Variants in CMSS1 observed in about 807,000 individuals in gnomAD.
CMSS1 encodes protein CMSS1.
Under a neutral mutation model 43.5 loss-of-function variants are expected in CMSS1, and 33 were observed. The ratio of observed to expected loss-of-function variants is 0.76; its 90% CI spans 0.57 to 1.01. The LOEUF is 1.01. CMSS1 is among the 50% of genes least tolerant of loss of function. The pLI, the probability that CMSS1 is intolerant of heterozygous loss-of-function variation, is 0.00. For missense variants in CMSS1, 313 were observed against 326.4 expected (o/e 0.96, Z 0.32); for synonymous variants, 115 against 117.2 (o/e 0.98, Z 0.12).
intron 1 of CMSS1, among the ~76,000 whole-genome samples, chr3:99,869,258 G>T (rs1944668260): frequency 6.6e-6 from 1 of 152,114 alleles, no homozygotes; most frequent in Admixed American, 6.5e-5. Context: ...CTTTGCCTGT[G>T]ATTCTTTGCA....
chr3:99,996,564 A>C (rs1259632404), intron 1 of CMSS1, among the ~76,000 whole-genome samples: 1 of 152,186 alleles, frequency 6.6e-6, no homozygotes, highest in Non-Finnish European at 1.5e-5. Flanking sequence ...GTCAGTTTTC[A>C]TGCTGCTGAT....
At chr3:100,103,765 A>G (rs1162691841) in intron 1 of CMSS1, among the ~76,000 whole-genome samples, 2 of 152,224 alleles carry the variant, frequency 1.3e-5, no homozygotes, top group Non-Finnish European at 2.9e-5. Context: ...CTGGCCTTGC[A>G]ATAAACATGT....
chr3:100,047,148 C>A (rs886321389), intron 1 of CMSS1, among the ~76,000 whole-genome samples: 1 of 152,162 alleles, frequency 6.6e-6, no homozygotes, highest in Admixed American at 6.5e-5. Flanking sequence ...ATAATACTTT[C>A]TCTGCCTACC....
At chr3:99,842,288 A>C (rs1943167587) in intron 1 of CMSS1, among the ~76,000 whole-genome samples, 1 of 152,226 alleles carries the variant, frequency 6.6e-6, no homozygotes, top group Admixed American at 6.5e-5. Context: ...AGCTATGAGG[A>C]CACAGAGGCA....
At chr3:99,893,162 CTTTT>C (rs1200176411) in intron 1 of CMSS1, among the ~76,000 whole-genome samples, 4 of 107,626 alleles carry the variant, frequency 3.7e-5, no homozygotes, top group African/African-American at 1.4e-4. Flanking sequence ...GGCATCTAGA[CTTTT>C]TTTTTTTTTT....
At chr3:100,128,034 A>G (rs1338292753) in intron 1 of CMSS1, among the ~76,000 whole-genome samples, 1 of 152,208 alleles carries the variant, frequency 6.6e-6, no homozygotes, top group Non-Finnish European at 1.5e-5. Context: ...CTCTGCCTAT[A>G]TGACAGCCAA....
At chr3:99,849,652 T>G in intron 1 of CMSS1, 2 of 1,613,406 alleles carry the variant, frequency 1.2e-6, no homozygotes, top group Non-Finnish European at 1.7e-6. Context: ...TTCTAGCTCT[T>G]TAGATAAAAA....
intron 1 of CMSS1, among the ~76,000 whole-genome samples, chr3:99,855,767 T>TG (rs1438197212): frequency 2.0e-5 from 3 of 152,238 alleles, no homozygotes; most frequent in African/African-American, 7.2e-5. Context: ...GCCAAAAGAA[T>TG]GTTGAAAAAC....
chr3:100,170,168 T>A (rs147149244), intron 6 of CMSS1, among the ~76,000 whole-genome samples: 1 of 152,374 alleles, frequency 6.6e-6, no homozygotes, highest in Non-Finnish European at 1.5e-5. Context: ...AAAGCTTATG[T>A]GTAAGTAAAA....
At chr3:99,833,342 T>G (rs2107489015) in intron 1 of CMSS1, 3 of 1,237,794 alleles carry the variant, frequency 2.4e-6, no homozygotes, top group East Asian at 4.8e-5. Flanking sequence ...TATCCATAGA[T>G]TCTCAAAAGA....
chr3:100,009,662 A>G (rs1383747603), intron 1 of CMSS1, among the ~76,000 whole-genome samples: 2 of 152,234 alleles, frequency 1.3e-5, no homozygotes, highest in Admixed American at 6.5e-5. Flanking sequence ...TGTTAAGGGG[A>G]AAGAAAGTCA....
intron 1 of CMSS1, among the ~76,000 whole-genome samples, chr3:100,107,877 TAAA>T (rs11322494): frequency 2.3e-5 from 3 of 130,044 alleles, no homozygotes; most frequent in Admixed American, 7.8e-5. Flanking sequence ...GCAAGAGAAT[TAAA>T]AAAAAAAAAA....
rs544662791 is a variant in CMSS1, at chr3:100,180,918, C to G, written c.*2530C>G. On this transcript the variant is annotated 3_prime_UTR_variant, in exon 10 of 10. Transcript: ENST00000421999. ...GAGGTTTAATTGACTTCCAGTTCCA[C>G]AGACTGTACAGGAGGATGGCTGGGG... is the stretch of plus-strand genomic sequence containing the variant. 1 of 152,334 alleles carries G rather than the reference C, an allele frequency of 6.6e-6. No homozygotes were observed. Among genetic ancestry groups the G allele is most frequent in the Admixed American group, 6.5e-5 (1 of 15,300 alleles). The allele number at this position is 152,334 out of a possible 1,614,324, so 9.4% of individuals were successfully genotyped here.
At chr3:99,860,363 A>G (rs541677440) in intron 1 of CMSS1, among the ~76,000 whole-genome samples, 1 of 152,288 alleles carries the variant, frequency 6.6e-6, no homozygotes, top group Admixed American at 6.5e-5. Flanking sequence ...TGACCCATTA[A>G]TTATAAGGAG....
At position 100,179,974 on chromosome 3, in the gene CMSS1, GCC is replaced by G. The variant is rs1035296149; in HGVS notation, c.*1588_*1589del. ...GCTCTTGCCTTCTGCACACCCATAA[GCC>G]CAACAGCACGTGGAAGCTGCCAAGG... On this transcript the variant is annotated 3_prime_UTR_variant, in exon 10 of 10. Coordinates refer to ENST00000421999, the MANE Select transcript of CMSS1 (RefSeq NM_032359.4). 2.0e-5 allele frequency: 3 copies of G among 152,332 alleles called. No individual in the cohort carries two copies. Among genetic ancestry groups the G allele is most frequent in the African/African-American group, 7.2e-5 (3 of 41,472 alleles). 9.4% of individuals were successfully genotyped at this position (152,332 alleles called of 1,614,324 possible).
chr3:100,014,202 A>G (rs1239232074), intron 1 of CMSS1, among the ~76,000 whole-genome samples: 2 of 150,932 alleles, frequency 1.3e-5, no homozygotes, highest in Non-Finnish European at 1.5e-5. Flanking sequence ...ATGTATATAT[A>G]TATTATATAT....
At chr3:100,117,878 T>TATATATATATACAC (rs1357671856) in intron 1 of CMSS1, among the ~76,000 whole-genome samples, 10 of 129,086 alleles carry the variant, frequency 7.7e-5, no homozygotes, top group African/African-American at 2.5e-4. Flanking sequence ...TATATATATA[T>TATATATATATACAC]ACACATACAA....
rs1301069759 is a variant in CMSS1, at chr3:99,818,141, C to A, written c.64+98C>A. Reference sequence around the variant, plus strand: ...TCTGGCGATCGCGGTGTTTGCCCAGCAGGGGTGTGCACCGCCTTGGGAGCG... The same window carrying A: ...TCTGGCGATCGCGGTGTTTGCCCAGAAGGGGTGTGCACCGCCTTGGGAGCG... On this transcript the variant is annotated intron_variant, in intron 1 of 9. Transcript: ENST00000421999. 4.3e-6 allele frequency: 5 copies of A among 1,156,246 alleles called. No homozygotes were observed. The East Asian group carries it at 7.5e-5, about 17-fold the overall frequency. 71.6% of individuals were successfully genotyped at this position (1,156,246 alleles called of 1,614,324 possible).
At chr3:100,008,190 A>T (rs1383866492) in intron 1 of CMSS1, among the ~76,000 whole-genome samples, 2 of 152,196 alleles carry the variant, frequency 1.3e-5, no homozygotes, top group Admixed American at 6.5e-5. Flanking sequence ...AGCAGTGGGA[A>T]GGAAGGAGCC....
Sources: gnomAD v4.1 joint callset for allele counts (sites outside exome capture counted in the v4.1 genomes callset) on GRCh38, gnomAD v4.1.1 for gene constraint, MANE v1.5 for transcripts, NCBI Gene and HGNC (gene_info 2026-07-23, HGNC 2026-07-21) for gene names.